ANO10: variants seen among roughly 807,000 people sequenced by gnomAD.
The protein encoded by ANO10 is anoctamin 10, also known as anoctamin-10.
ANO10 carries 77 observed loss-of-function variants against 74.7 expected under a neutral mutation model. The observed-to-expected ratio is 1.03, with a 90% CI of 0.86 to 1.25. ANO10 has a LOEUF of 1.25. ANO10 is among the 50% of genes most tolerant of loss of function. The probability of loss-of-function intolerance (pLI) is 0.00; values close to 1 mark genes in which losing one functional copy is unlikely to be tolerated. For synonymous variants in ANO10, 279 were observed against 284.9 expected (o/e 0.98, Z 0.21); for missense variants, 721 against 778.1 (o/e 0.93, Z 0.87).
In ANO10 at chr3:43,674,365, G is replaced by T. The variant is rs181736717; in HGVS notation, c.-12+17152C>A. ...AGGTCTCACTATGTTGTCCAGGCTG[G>T]TCTGAAACTCCTAGCCTCAAGTATT... is the stretch of plus-strand genomic sequence containing the variant. On this transcript the variant is annotated intron_variant, in intron 1 of 3. Coordinates refer to the ANO10 transcript ENST00000413397. Among the ~76,000 whole-genome samples the T allele has an allele frequency of 2.8e-3, 424 of 152,170 alleles. 1 individual carries two copies. Among genetic ancestry groups the T allele is most frequent in the African/African-American group, 9.5e-3 (394 of 41,486 alleles).
intron 11 of ANO10, among the ~76,000 whole-genome samples, chr3:43,476,393 C>G (rs1214665227): frequency 6.6e-6 from 1 of 152,116 alleles, no homozygotes; most frequent in African/African-American, 2.4e-5. Flanking sequence ...CTTTTGATCT[C>G]CAATTAGTGG....
chr3:43,483,574 T>A (rs192946840), intron 11 of ANO10, among the ~76,000 whole-genome samples: 1 of 152,198 alleles, frequency 6.6e-6, no homozygotes, highest in African/African-American at 2.4e-5. Context: ...ACATGATTGA[T>A]AAATGTTAAC....
At chr3:43,557,417 C>CT (rs1028854981) in intron 9 of ANO10, among the ~76,000 whole-genome samples, 4 of 152,096 alleles carry the variant, frequency 2.6e-5, no homozygotes, top group Non-Finnish European at 5.9e-5. Context: ...GCCCTAAACT[C>CT]TTAAAAATTA....
At chr3:43,646,393 A>G (rs2083726407) in intron 1 of ANO10, among the ~76,000 whole-genome samples, 1 of 152,170 alleles carries the variant, frequency 6.6e-6, no homozygotes, top group Admixed American at 6.5e-5. Context: ...ATCCTTGTAT[A>G]TGCTCATTGT....
rs959438998 is a variant in ANO10, at chr3:43,473,220, T to C, written c.1798-40493A>G. 4.6e-5 allele frequency among the ~76,000 whole-genome samples: 7 copies of C among 152,170 alleles called. No individual in the cohort carries two copies. The East Asian group carries it at 7.7e-4, about 17-fold the overall frequency. On this transcript the variant is annotated intron_variant, in intron 11 of 12. Transcript: ENST00000292246. ...GTCAAAATTCATGCACAGCATTTGA[T>C]TATGTCTCTCTGGTCTCTTTTAAAC...
At chr3:43,381,165 T>C (rs1208702425) in intron 12 of ANO10, among the ~76,000 whole-genome samples, 1 of 152,150 alleles carries the variant, frequency 6.6e-6, no homozygotes, top group East Asian at 1.9e-4. Context: ...ATGGGGATTA[T>C]GGAAACTACA....
At chr3:43,618,799 TAC>T (rs2083245780) in intron 1 of ANO10, among the ~76,000 whole-genome samples, 1 of 152,080 alleles carries the variant, frequency 6.6e-6, no homozygotes, top group South Asian at 2.1e-4. Context: ...TTATTAGTTA[TAC>T]GTCTTTTTTT....
At chr3:43,647,388 G>C (rs1404559789) in intron 1 of ANO10, among the ~76,000 whole-genome samples, 1 of 152,030 alleles carries the variant, frequency 6.6e-6, no homozygotes, top group Non-Finnish European at 1.5e-5. Flanking sequence ...CTGGGGCTTA[G>C]ATGTCCGAGG....
intron 12 of ANO10, among the ~76,000 whole-genome samples, chr3:43,393,899 GACA>G (rs917169293): frequency 6.6e-5 from 10 of 151,922 alleles, no homozygotes; most frequent in Admixed American, 4.6e-4. Context: ...TCCAGAGCAA[GACA>G]ATGGCACCTC....
intron 12 of ANO10, among the ~76,000 whole-genome samples, chr3:43,402,453 A>G (rs1306809157): frequency 6.6e-6 from 1 of 152,168 alleles, no homozygotes; most frequent in Non-Finnish European, 1.5e-5. Context: ...ATTTTAAAAC[A>G]TTATGTTCAT....
At chr3:43,619,433 C>T (rs1273771495) in intron 1 of ANO10, among the ~76,000 whole-genome samples, 2 of 152,114 alleles carry the variant, frequency 1.3e-5, no homozygotes, top group Non-Finnish European at 2.9e-5. Context: ...AACAATTGCA[C>T]CATCGTCATC....
chr3:43,659,278 G>A (rs1306735677), intron 1 of ANO10, among the ~76,000 whole-genome samples: 1 of 152,200 alleles, frequency 6.6e-6, no homozygotes, highest in East Asian at 1.9e-4. Flanking sequence ...AAGTGCAAGG[G>A]GTCGGGGCAT....
At chr3:43,545,413 G>A (rs58573894) in intron 11 of ANO10, among the ~76,000 whole-genome samples, 287 of 151,428 alleles carry the variant, frequency 1.9e-3, no homozygotes, top group African/African-American at 6.7e-3. Flanking sequence ...TCTCTCTGTC[G>A]CCCAGGCTGG....
intron 1 of ANO10, among the ~76,000 whole-genome samples, chr3:43,668,681 G>C (rs922870383): frequency 1.3e-5 from 2 of 151,870 alleles, no homozygotes; most frequent in Non-Finnish European, 2.9e-5. Context: ...TATTGAACAG[G>C]GCATCCTTTC....
intron 1 of ANO10, among the ~76,000 whole-genome samples, chr3:43,677,108 C>A (rs915570250): frequency 6.6e-6 from 1 of 152,140 alleles, no homozygotes; most frequent in South Asian, 2.1e-4. Context: ...CAACAGTGGA[C>A]TGGACAAAGA....
chr3:43,591,304 T>C (rs1019456616), intron 4 of ANO10, among the ~76,000 whole-genome samples: 3 of 152,164 alleles, frequency 2.0e-5, no homozygotes, highest in South Asian at 2.1e-4. Context: ...CCACTCCCAA[T>C]TGGGCTAGAA....
In ANO10 at chr3:43,367,192, C is replaced by T. The variant is rs558731055; in HGVS notation, c.1915-218G>A. On this transcript the variant is annotated intron_variant, in intron 12 of 12. Transcript: ENST00000292246. Reference sequence around the variant, plus strand: ...AATGTCGCACTGTGTGAGCCCAGACCAGCAGGGATTTTAAGGACACTGAAA... The same window carrying T: ...AATGTCGCACTGTGTGAGCCCAGACTAGCAGGGATTTTAAGGACACTGAAA... Among the ~76,000 whole-genome samples, 5 of 152,288 alleles carry T rather than the reference C, an allele frequency of 3.3e-5. No individual in the cohort carries two copies. In the South Asian group the frequency reaches 6.2e-4, roughly 19 times the overall value.
At chr3:43,614,390 A>AT in intron 1 of ANO10, among the ~76,000 whole-genome samples, 1 of 152,288 alleles carries the variant, frequency 6.6e-6, no homozygotes, top group East Asian at 1.9e-4. Context: ...TGACAGACAA[A>AT]TTTCACTATC....
At chr3:43,391,246 CTG>C (rs1476915651) in intron 12 of ANO10, among the ~76,000 whole-genome samples, 1 of 152,136 alleles carries the variant, frequency 6.6e-6, no homozygotes, top group African/African-American at 2.4e-5. Context: ...ACTTCTCAAA[CTG>C]TATCAAAATG....
Sources: gnomAD v4.1 joint callset for allele counts (sites outside exome capture counted in the v4.1 genomes callset) on GRCh38, gnomAD v4.1.1 for gene constraint, MANE v1.5 for transcripts, NCBI Gene and HGNC (gene_info 2026-07-23, HGNC 2026-07-21) for gene names.